Variants in MBD5 observed in about 807,000 individuals in gnomAD.
The protein encoded by MBD5 is methyl-CpG binding domain protein 5.
MBD5 carries 13 observed loss-of-function variants against 117.3 expected under a neutral mutation model. The ratio of observed to expected loss-of-function variants is 0.11; its 90% CI spans 0.07 to 0.18. The LOEUF (loss-of-function observed/expected upper bound fraction) is 0.18. MBD5 is among the 10% of genes least tolerant of loss of function. The pLI is 1.00. For missense variants in MBD5, 1,879 were observed against 2,093.8 expected (o/e 0.90, Z 2.00); for synonymous variants, 727 against 766.4 (o/e 0.95, Z 0.85).
intron 3 of MBD5, among the ~76,000 whole-genome samples, chr2:148,297,596 A>G (rs1248443240): frequency 6.6e-6 from 1 of 152,162 alleles, no homozygotes; most frequent in Admixed American, 6.5e-5. Flanking sequence ...TGTCCCCTAT[A>G]CTGAACTAAT....
chr2:148,059,850 A>C (rs1249440510), intron 1 of MBD5, among the ~76,000 whole-genome samples: 3 of 151,974 alleles, frequency 2.0e-5, no homozygotes, highest in East Asian at 1.9e-4. Context: ...CGTCTCAAAA[A>C]AAAAAAAAAG....
At chr2:148,303,515 T>C (rs768279514) in intron 3 of MBD5, among the ~76,000 whole-genome samples, 23 of 152,360 alleles carry the variant, frequency 1.5e-4, no homozygotes, top group Middle Eastern at 3.4e-3. Context: ...TTTGCTGTTG[T>C]TGACCTTATC....
At chr2:148,162,381 C>T (rs930340672) in intron 1 of MBD5, among the ~76,000 whole-genome samples, 20 of 152,312 alleles carry the variant, frequency 1.3e-4, no homozygotes, top group South Asian at 4.1e-4. Context: ...GGAACTCCAA[C>T]TAAGACAACT....
chr2:148,109,046 C>T (rs1325585568), intron 1 of MBD5, among the ~76,000 whole-genome samples: 2 of 152,140 alleles, frequency 1.3e-5, no homozygotes, highest in Admixed American at 6.5e-5. Context: ...CAAATGCCTT[C>T]GTATCTTTTA....
intron 4 of MBD5, among the ~76,000 whole-genome samples, chr2:148,443,455 C>T (rs1470602288): frequency 6.6e-6 from 1 of 151,334 alleles, no homozygotes; most frequent in Non-Finnish European, 1.5e-5. Context: ...TATTGCAGCA[C>T]CATTCACAAT....
chr2:148,100,167 G>A lies in MBD5; in HGVS notation c.-925+78483G>A, dbSNP rs1028481528. Among the ~76,000 whole-genome samples, 31 of 152,136 alleles carry A rather than the reference G, an allele frequency of 2.0e-4. 1 individual carries two copies. Among genetic ancestry groups the A allele is most frequent in the Non-Finnish European group, 7.3e-5 (5 of 68,032 alleles). On this transcript the variant is annotated intron_variant, in intron 1 of 13. Transcript: ENST00000642680. The stretch of plus-strand genomic sequence containing the variant: ...AGGAACTTGCCAAGTGAAGGTCAGA[G>A]TGAGTGTTGGGTCACTGGGGAGGAA...
intron 1 of MBD5, among the ~76,000 whole-genome samples, chr2:148,084,264 G>A (rs2105180766): frequency 6.6e-6 from 1 of 152,258 alleles, no homozygotes; most frequent in South Asian, 2.1e-4. Flanking sequence ...GACATGTCTA[G>A]TTAGAAGATT....
intron 13 of MBD5, 91 bp from the exon 14 acceptor site, chr2:148,512,779 T>C: frequency 8.5e-7 from 1 of 1,171,884 alleles, no homozygotes; most frequent in Non-Finnish European, 1.3e-6. Flanking sequence ...CCAGAGTCTA[T>C]TCCCTACCCT....
chr2:148,047,181 T>TA (rs1482763680), intron 1 of MBD5, among the ~76,000 whole-genome samples: 5 of 152,236 alleles, frequency 3.3e-5, no homozygotes, highest in African/African-American at 1.2e-4. Context: ...CCTTCTTAGT[T>TA]AATGATGCAC....
At chr2:148,401,953 T>C (rs1259420542) in intron 4 of MBD5, among the ~76,000 whole-genome samples, 2 of 152,118 alleles carry the variant, frequency 1.3e-5, no homozygotes, top group African/African-American at 4.8e-5. Flanking sequence ...TGGGTTCTTC[T>C]AATATTTTCT....
intron 3 of MBD5, among the ~76,000 whole-genome samples, chr2:148,243,118 T>C (rs1029770682): frequency 3.3e-5 from 5 of 149,324 alleles, no homozygotes; most frequent in African/African-American, 9.8e-5. Flanking sequence ...TTGCTACATA[T>C]CTTTTTTCCA....
intron 1 of MBD5, chr2:148,026,948 A>T (rs1253554046): frequency 2.0e-5 from 3 of 151,874 alleles, no homozygotes; most frequent in African/African-American, 7.3e-5. Context: ...AAAAACAGTA[A>T]AAAAAAGTTC....
chr2:148,176,633 T>A (rs1574097707), intron 1 of MBD5, among the ~76,000 whole-genome samples: 1 of 152,178 alleles, frequency 6.6e-6, no homozygotes, highest in Middle Eastern at 3.4e-3. Context: ...GGTCTCGAAC[T>A]CCTGACCTCA....
At chr2:148,339,139 C>G (rs1435084406) in intron 3 of MBD5, among the ~76,000 whole-genome samples, 1 of 152,168 alleles carries the variant, frequency 6.6e-6, no homozygotes, top group Non-Finnish European at 1.5e-5. Context: ...AAATCTCAAG[C>G]TCATTCTTGG....
At chr2:148,508,693 T>A (rs984318481) in intron 12 of MBD5, among the ~76,000 whole-genome samples, 5 of 152,106 alleles carry the variant, frequency 3.3e-5, no homozygotes, top group Non-Finnish European at 7.4e-5. Flanking sequence ...AAGGTAGGGG[T>A]TGATGCCATA....
intron 1 of MBD5, among the ~76,000 whole-genome samples, chr2:148,114,806 T>G (rs1000555269): frequency 2.0e-5 from 3 of 152,206 alleles, no homozygotes; most frequent in Non-Finnish European, 4.4e-5. Flanking sequence ...AAGATAGGTT[T>G]GATTAATGTA....
chr2:148,395,695 G>C (rs1258934611), intron 4 of MBD5, among the ~76,000 whole-genome samples: 1 of 151,946 alleles, frequency 6.6e-6, no homozygotes, highest in East Asian at 1.9e-4. Flanking sequence ...AAAGTGCAGG[G>C]ATTAGAGGCG....
At position 148,463,781 on chromosome 2, in the gene MBD5, G is replaced by A. The variant is rs755990856; in HGVS notation, c.259G>A (p.Ala87Thr). 1.4e-5 allele frequency: 23 copies of A among 1,613,754 alleles called. No individual in the cohort carries two copies. The South Asian group carries it at 1.4e-4, about 10-fold the overall frequency. Residue 87 changes from alanine (A) to threonine (T), a missense_variant, in exon 7 of 14, where the codon GCA becomes ACA. Transcript: ENST00000642680. ...DPGAAVKQRTAEDVKADEDVT... is the reference protein window; with the variant it reads ...DPGAAVKQRTTEDVKADEDVT... Reference sequence around the variant, plus strand: ...TGGAGCTGCTGTGAAACAGAGAACCGCAGAAGATGTTAAGGCAGATGAAGA... The same window carrying A: ...TGGAGCTGCTGTGAAACAGAGAACCACAGAAGATGTTAAGGCAGATGAAGA...
intron 4 of MBD5, 112 bp from the exon 5 acceptor site, chr2:148,458,091 A>AAGG (rs1178207892): frequency 5.1e-6 from 2 of 392,578 alleles, no homozygotes; most frequent in Non-Finnish European, 4.5e-6. Flanking sequence ...TTTGATAGCA[A>AAGG]AGGACATCAA....
Sources: gnomAD v4.1 joint callset for allele counts (sites outside exome capture counted in the v4.1 genomes callset) on GRCh38, gnomAD v4.1.1 for gene constraint, MANE v1.5 for transcripts, NCBI Gene and HGNC (gene_info 2026-07-23, HGNC 2026-07-21) for gene names.